The following RAPH1 variants were observed in gnomAD, a reference collection of about 807,000 sequenced individuals.
The protein encoded by RAPH1 is ras-associated and pleckstrin homology domains-containing protein 1.
In RAPH1, 18 loss-of-function variants were observed where a neutral mutation model predicts 88.1. That is an observed-to-expected ratio of 0.20 (90% confidence interval 0.14 to 0.30). The LOEUF (loss-of-function observed/expected upper bound fraction) is 0.30, where lower values mean the gene tolerates loss of function less well. Among genes scored for constraint, RAPH1 ranks in the 10% least tolerant of loss-of-function variants. The pLI, the probability that RAPH1 is intolerant of heterozygous loss-of-function variation, is 1.00. For missense variants in RAPH1, 1,448 were observed against 1,543.2 expected, an observed-to-expected ratio of 0.94 and a Z score of 1.03; for synonymous variants, 587 against 559.0, an observed-to-expected ratio of 1.05 and a Z score of -0.71.
At position 203,472,666 on chromosome 2, in the gene RAPH1, G is replaced by A. The variant is rs193129090; in HGVS notation, c.733-10741C>T. Among the ~76,000 whole-genome samples, 89 of 152,156 alleles carry A rather than the reference G, an allele frequency of 5.8e-4. No homozygotes were observed. In the East Asian group the frequency reaches 0.014, roughly 24 times the overall value. ...TTTTTTAGAAAAATTATCTCCAAGTGAGTAGATTATCTATATTCAGATCAT... is the reference window on the plus strand; with the variant it reads ...TTTTTTAGAAAAATTATCTCCAAGTAAGTAGATTATCTATATTCAGATCAT... On this transcript the variant is annotated intron_variant, in intron 4 of 13. Coordinates refer to ENST00000319170, the MANE Select transcript of RAPH1 (RefSeq NM_213589.3).
At chr2:203,525,897 T>C (rs145872616) in intron 1 of RAPH1, among the ~76,000 whole-genome samples, 2 of 152,270 alleles carry the variant, frequency 1.3e-5, no homozygotes, top group African/African-American at 4.8e-5. Flanking sequence ...GAAGCAACTA[T>C]GACTGCAGTT....
chr2:203,471,852 T>A (rs1283918521), intron 4 of RAPH1, among the ~76,000 whole-genome samples: 8 of 151,924 alleles, frequency 5.3e-5, no homozygotes, highest in Non-Finnish European at 8.8e-5. Context: ...CCAATTTTTT[T>A]AATTGGACAT....
chr2:203,488,588 TAAAAAAAAAAAAAAAA>T (rs750783858), intron 4 of RAPH1, among the ~76,000 whole-genome samples: 2 of 36,652 alleles, frequency 5.5e-5, no homozygotes, highest in African/African-American at 1.1e-4. Context: ...CTCCGTCTAT[TAAAAAAAAAAAAAAAA>T]AAAAAAAAAA....
At chr2:203,467,094 T>C (rs113031154) in intron 4 of RAPH1, among the ~76,000 whole-genome samples, 61 of 152,298 alleles carry the variant, frequency 4.0e-4, no homozygotes, top group Non-Finnish European at 6.8e-4. Context: ...CTTGGAAAGA[T>C]ATAAACAGCT....
rs779318575 is a variant in RAPH1, at chr2:203,489,595, G to C, written c.721C>G (p.Pro241Ala). 2 of 1,516,278 alleles carry C rather than the reference G, an allele frequency of 1.3e-6. No individual in the cohort carries two copies. Among genetic ancestry groups the C allele is most frequent in the Non-Finnish European group, 1.8e-6 (2 of 1,121,486 alleles). 93.9% of individuals were successfully genotyped at this position (1,516,278 alleles called of 1,614,324 possible). A position where few individuals can be genotyped will look rare whatever the true frequency, so the allele number is the denominator to read the frequency against. ...TTCCATTTATTTACCTCAGTAATTG[G>C]CTGCCCTTGATGTGTCAAATCCAGC... ...QELDLTHQGQ[P>A]ITEEEQAAKL... Residue 241 changes from proline to alanine, a missense_variant, in exon 4 of 14, where the codon CCA (proline) becomes GCA (alanine). Pro to Ala is a conservative substitution (Grantham distance 27). This residue lies in a region of RAPH1 where 513 missense variants were observed against 653.1 expected (regional missense o/e 0.79). Coordinates refer to ENST00000319170, the MANE Select transcript of RAPH1 (RefSeq NM_213589.3).
chr2:203,497,682 T>C (rs1688578708), intron 1 of RAPH1, among the ~76,000 whole-genome samples: 1 of 152,164 alleles, frequency 6.6e-6, no homozygotes, highest in Admixed American at 6.5e-5. Flanking sequence ...TTCTTAATCT[T>C]TTATCACTCT....
At chr2:203,464,421 G>T (rs542651152) in intron 4 of RAPH1, among the ~76,000 whole-genome samples, 1 of 152,226 alleles carries the variant, frequency 6.6e-6, no homozygotes, top group East Asian at 1.9e-4. Context: ...ACAGATGCCC[G>T]CCACCATGCC....
chr2:203,505,987 C>G (rs1162484694), intron 1 of RAPH1, among the ~76,000 whole-genome samples: 1 of 152,230 alleles, frequency 6.6e-6, no homozygotes, highest in Non-Finnish European at 1.5e-5. Context: ...GCTGCAACTT[C>G]ATTCCTCTTA....
intron 9 of RAPH1, among the ~76,000 whole-genome samples, chr2:203,454,977 T>C (rs909144083): frequency 6.6e-6 from 1 of 152,220 alleles, no homozygotes; most frequent in Non-Finnish European, 1.5e-5. Flanking sequence ...TATATGCTCA[T>C]AGGACTATTG....
intron 1 of RAPH1, among the ~76,000 whole-genome samples, chr2:203,509,094 A>T (rs1315910969): frequency 3.7e-5 from 5 of 134,082 alleles, no homozygotes; most frequent in Admixed American, 1.6e-4. Flanking sequence ...TTTTTTTAAG[A>T]GAGAGTCGCT....
At chr2:203,531,134 G>C (rs1324673473) in intron 1 of RAPH1, among the ~76,000 whole-genome samples, 1 of 152,040 alleles carries the variant, frequency 6.6e-6, no homozygotes, top group Non-Finnish European at 1.5e-5. Flanking sequence ...ACTCCTAAAA[G>C]AAAACAGGGA....
chr2:203,487,892 C>T (rs1361797403), intron 4 of RAPH1, among the ~76,000 whole-genome samples: 2 of 151,962 alleles, frequency 1.3e-5, no homozygotes, highest in Non-Finnish European at 2.9e-5. Flanking sequence ...CCAAGAGTTA[C>T]CTACTGATGG....
intron 13 of RAPH1, chr2:203,441,832 C>T: frequency 1.5e-6 from 2 of 1,326,610 alleles, no homozygotes; most frequent in Non-Finnish European, 9.6e-7. Context: ...CCTTTCAGTC[C>T]ATGACTGCAT....
intron 1 of RAPH1, among the ~76,000 whole-genome samples, chr2:203,512,615 C>G (rs1255306133): frequency 6.7e-6 from 1 of 148,916 alleles, no homozygotes; most frequent in Non-Finnish European, 1.5e-5. Context: ...GCTAAACATC[C>G]CTTACCTTTT....
chr2:203,521,274 G>C (rs554110582), intron 1 of RAPH1, among the ~76,000 whole-genome samples: 2 of 152,032 alleles, frequency 1.3e-5, no homozygotes, highest in Non-Finnish European at 2.9e-5. Context: ...GGCTGGTCTC[G>C]AACTCCTGAC....
chr2:203,507,269 CT>C, intron 1 of RAPH1, among the ~76,000 whole-genome samples: 1 of 152,048 alleles, frequency 6.6e-6, no homozygotes, highest in Non-Finnish European at 1.5e-5. Context: ...AGAATGCCAA[CT>C]ACTTAATGTA....
intron 2 of RAPH1, among the ~76,000 whole-genome samples, chr2:203,491,744 G>T (rs1269264123): frequency 1.3e-5 from 2 of 152,198 alleles, no homozygotes; most frequent in African/African-American, 4.8e-5. Context: ...CTGGCCTCAA[G>T]TGATCTGCCC....
chr2:203,471,816 TAAAA>T (rs1187672209), intron 4 of RAPH1, among the ~76,000 whole-genome samples: 1 of 85,724 alleles, frequency 1.2e-5, no homozygotes, highest in South Asian at 4.1e-4. Context: ...ACCCATTCTT[TAAAA>T]AAAAAAAAAG....
intron 13 of RAPH1, chr2:203,442,303 T>C: frequency 2.5e-6 from 1 of 405,728 alleles, no homozygotes; most frequent in Non-Finnish European, 4.4e-6. Context: ...TGCACGATGG[T>C]GGTTCAGGTA....
Sources: gnomAD v4.1 joint callset for allele counts (sites outside exome capture counted in the v4.1 genomes callset) on GRCh38, gnomAD v4.1.1 for gene constraint, gnomAD v4.1.1 regional missense constraint, MANE v1.5 for transcripts, NCBI Gene and HGNC (gene_info 2026-07-23, HGNC 2026-07-21) for gene names.